STK33: variants seen among roughly 807,000 people sequenced by gnomAD.
The protein encoded by STK33 is serine/threonine kinase 33, also known as serine/threonine-protein kinase 33.
In STK33, 52 loss-of-function variants were observed where a neutral mutation model predicts 58.0. The observed-to-expected ratio is 0.90, with a 90% confidence interval of 0.72 to 1.13. The LOEUF (loss-of-function observed/expected upper bound fraction) is 1.13, where lower values mean the gene tolerates loss of function less well. STK33 is among the 50% of genes most tolerant of loss of function. The probability of loss-of-function intolerance (pLI) is 0.00; values close to 1 mark genes in which losing one functional copy is unlikely to be tolerated. For synonymous variants in STK33, 215 were observed against 200.1 expected (o/e 1.07, Z -0.63); for missense variants, 630 against 604.2 (o/e 1.04, Z -0.45).
rs1848698093 is a variant in STK33 at position 8,392,478 on chromosome 11, T to C, written c.*32A>G. On this transcript the variant is annotated 3_prime_UTR_variant, in exon 16 of 16. Transcript: ENST00000687296. ...ATCAAAGTGCTAACAAGAGCAGCTTTGTTTTTGTACTGTCCAACACTGGAG... is the reference window on the plus strand; with the variant it reads ...ATCAAAGTGCTAACAAGAGCAGCTTCGTTTTTGTACTGTCCAACACTGGAG... 6.2e-7 allele frequency: 1 copy of C among 1,612,098 alleles called. No individual in the cohort carries two copies. Among genetic ancestry groups the C allele is most frequent in the South Asian group, 1.1e-5 (1 of 90,742 alleles).
chr11:8,493,150 A>C (rs571080272), intron 1 of STK33, among the ~76,000 whole-genome samples: 1 of 152,286 alleles, frequency 6.6e-6, no homozygotes, highest in Non-Finnish European at 1.5e-5. Flanking sequence ...AAAATCAATG[A>C]ATCTGGGAGC....
At chr11:8,503,405 G>T (rs1334338853) in intron 1 of STK33, among the ~76,000 whole-genome samples, 1 of 152,156 alleles carries the variant, frequency 6.6e-6, no homozygotes, top group Non-Finnish European at 1.5e-5. Flanking sequence ...TTATAAGTGG[G>T]AGCTAAACAC....
chr11:8,376,163 A>T, the STK33 span, among the ~76,000 whole-genome samples: 1 of 152,228 alleles, frequency 6.6e-6, no homozygotes, highest in African/African-American at 2.4e-5. Flanking sequence ...ACTGAGCGAC[A>T]GCCACCAGGG....
chr11:8,384,928 G>A, the STK33 span, among the ~76,000 whole-genome samples: 7 of 151,964 alleles, frequency 4.6e-5, no homozygotes, highest in East Asian at 1.9e-4. Context: ...ACAATCTCTC[G>A]TCTCCACACA....
intron 14 of STK33, chr11:8,434,192 G>T: frequency 5.7e-6 from 1 of 175,274 alleles, no homozygotes; most frequent in Non-Finnish European, 1.2e-5. Flanking sequence ...AGGTTGCAGT[G>T]AGCCGAGATT....
chr11:8,489,351 T>C, intron 1 of STK33, among the ~76,000 whole-genome samples: 1 of 151,262 alleles, frequency 6.6e-6, no homozygotes, highest in South Asian at 2.1e-4. Context: ...CAAATATAGA[T>C]GATCAATAAA....
At chr11:8,423,054 C>T (rs1942174329) in intron 14 of STK33, among the ~76,000 whole-genome samples, 1 of 150,398 alleles carries the variant, frequency 6.6e-6, no homozygotes, top group Non-Finnish European at 1.5e-5. Flanking sequence ...GTTGTCCAGG[C>T]TTGTCTCAAA....
Position 8,474,729 on chromosome 11 carries a change from T to TC in STK33, c.176dup (p.Glu62ArgfsTer46). ...CTCTGTTGATATTTTTTTCTTTTTTTCTCTCCAGTGAAATTAAAGATTCTG... is the reference window on the plus strand; with the variant it reads ...CTCTGTTGATATTTTTTTCTTTTTTTCCTCTCCAGTGAAATTAAAGATTCTG... On this transcript the variant is annotated frameshift_variant, in exon 5 of 16. Coordinates refer to ENST00000687296, the MANE Select transcript of STK33 (RefSeq NM_001352389.2). LOFTEE classifies it high-confidence loss of function. 2 of 1,612,384 alleles carry TC rather than the reference T, an allele frequency of 1.2e-6. No homozygotes were observed.
intron 1 of STK33, among the ~76,000 whole-genome samples, chr11:8,511,472 T>C (rs1952318020): frequency 6.6e-6 from 1 of 152,194 alleles, no homozygotes; most frequent in Admixed American, 6.5e-5. Context: ...CCTTTATTTA[T>C]TTCTCTTGTC....
chr11:8,339,858 G>A, the STK33 span, among the ~76,000 whole-genome samples: 2 of 152,096 alleles, frequency 1.3e-5, no homozygotes, highest in African/African-American at 4.8e-5. Flanking sequence ...CCCTGACCAC[G>A]CCTCACCACG....
intron 1 of STK33, among the ~76,000 whole-genome samples, chr11:8,538,922 A>G (rs947947607): frequency 2.0e-5 from 3 of 152,226 alleles, no homozygotes; most frequent in Non-Finnish European, 2.9e-5. Flanking sequence ...AGGCCAATGA[A>G]CCACTGCTAT....
intron 1 of STK33, among the ~76,000 whole-genome samples, chr11:8,586,229 A>C (rs1400443574): frequency 6.6e-6 from 1 of 151,750 alleles, no homozygotes; most frequent in Non-Finnish European, 1.5e-5. Context: ...AAAAAAAAAA[A>C]AAAAAAAACA....
intron 11 of STK33, among the ~76,000 whole-genome samples, chr11:8,441,173 T>C (rs1397269510): frequency 1.3e-5 from 2 of 152,192 alleles, no homozygotes; most frequent in African/African-American, 4.8e-5. Context: ...CTAAGGTACG[T>C]GGTTATAAAT....
chr11:8,392,235 G>T lies in STK33; in HGVS notation c.*275C>A. 2.2e-6 allele frequency: 1 copy of T among 452,224 alleles called. No individual in the cohort carries two copies. Among genetic ancestry groups the T allele is most frequent in the Non-Finnish European group, 3.9e-6 (1 of 254,554 alleles). 28.0% of individuals were successfully genotyped at this position (452,224 alleles called of 1,614,324 possible). ...CCACAGCCTTAAATTGAAGGTATCT[G>T]CCCCCCTAAAAAACCTTCGTGTACA... On this transcript the variant is annotated 3_prime_UTR_variant, in exon 16 of 16. Coordinates refer to ENST00000687296, the MANE Select transcript of STK33 (RefSeq NM_001352389.2).
chr11:8,515,898 TA>T (rs1163479399), intron 1 of STK33, among the ~76,000 whole-genome samples: 5 of 152,322 alleles, frequency 3.3e-5, no homozygotes, highest in African/African-American at 1.2e-4. Context: ...CTCAAAGGCG[TA>T]AAACTGAAAG....
At chr11:8,465,993 C>T (rs757722905) in intron 6 of STK33, 1 of 152,212 alleles carries the variant, frequency 6.6e-6, no homozygotes. Flanking sequence ...GTTTTTAAAA[C>T]CATCAGATCT....
intron 1 of STK33, among the ~76,000 whole-genome samples, chr11:8,511,673 A>G (rs1018652012): frequency 6.6e-6 from 1 of 152,048 alleles, no homozygotes; most frequent in Non-Finnish European, 1.5e-5. Context: ...TCTTGTTGAG[A>G]GTTTTTATCA....
At chr11:8,368,261 C>T in the STK33 span, among the ~76,000 whole-genome samples, 2 of 152,346 alleles carry the variant, frequency 1.3e-5, no homozygotes, top group African/African-American at 2.4e-5. Context: ...TAATCCCCCA[C>T]CCGGGCCTCC....
At chr11:8,388,679 C>A (rs141239185), downstream of STK33, among the ~76,000 whole-genome samples, 68 of 152,318 alleles carry the variant, frequency 4.5e-4, 1 homozygote, top group East Asian at 0.013. Flanking sequence ...CCCCTGGAAG[C>A]CCCTTCCCTG....
Sources: gnomAD v4.1 joint callset for allele counts (sites outside exome capture counted in the v4.1 genomes callset) on GRCh38, gnomAD v4.1.1 for gene constraint, MANE v1.5 for transcripts, NCBI Gene and HGNC (gene_info 2026-07-23, HGNC 2026-07-21) for gene names.